The following DNAAF4 variants were observed in gnomAD, a reference collection of about 807,000 sequenced individuals.
The protein encoded by DNAAF4 is dynein assembly factor 4, axonemal.
Under a neutral mutation model 51.8 loss-of-function variants are expected in DNAAF4, and 43 were observed. The observed-to-expected ratio is 0.83, with a 90% CI of 0.65 to 1.07. The LOEUF (loss-of-function observed/expected upper bound fraction) is 1.07, where lower values mean the gene tolerates loss of function less well. Among genes scored for constraint, DNAAF4 ranks in the 50% least tolerant of loss-of-function variants. DNAAF4 has a pLI of 0.00. For synonymous variants in DNAAF4, 194 were observed against 165.6 expected, an observed-to-expected ratio of 1.17 and a Z score of -1.32; for missense variants, 581 against 493.0, an observed-to-expected ratio of 1.18 and a Z score of -1.69.
intron 4 of DNAAF4, among the ~76,000 whole-genome samples, chr15:55,468,418 C>T (rs2058200823): frequency 1.3e-5 from 2 of 152,144 alleles, no homozygotes; most frequent in South Asian, 2.1e-4. Context: ...AAATTAAGCA[C>T]AAAATATGCT....
At chr15:55,484,089 C>A (rs1015728529) in intron 4 of DNAAF4, among the ~76,000 whole-genome samples, 1 of 151,858 alleles carries the variant, frequency 6.6e-6, no homozygotes, top group Non-Finnish European at 1.5e-5. Context: ...ACCAAAATAA[C>A]AAGTGTTAGT....
At chr15:55,437,118 T>C (rs1031656995) in intron 7 of DNAAF4, among the ~76,000 whole-genome samples, 2 of 152,156 alleles carry the variant, frequency 1.3e-5, no homozygotes, top group African/African-American at 2.4e-5. Flanking sequence ...CACCTGGCTC[T>C]ATTACCTTGT....
chr15:55,433,991 A>ATTT (rs2057563296), intron 8 of DNAAF4, among the ~76,000 whole-genome samples: 1 of 21,716 alleles, frequency 4.6e-5, no homozygotes, highest in South Asian at 1.4e-3. Flanking sequence ...TATATAATAT[A>ATTT]TATAATATTA....
chr15:55,448,421 G>A (rs1029125176), intron 6 of DNAAF4, among the ~76,000 whole-genome samples: 7 of 142,130 alleles, frequency 4.9e-5, no homozygotes, highest in Admixed American at 7.6e-5. Flanking sequence ...GGTCACTTGA[G>A]CCCAAGAGTT....
chr15:55,427,964 T>G (rs1566996944), downstream of DNAAF4, among the ~76,000 whole-genome samples: 2 of 151,386 alleles, frequency 1.3e-5, no homozygotes, highest in Non-Finnish European at 2.9e-5. Flanking sequence ...AACCGTAATT[T>G]TTTTGGAGAT....
Position 55,443,326 on chromosome 15 carries a change from G to A in DNAAF4, c.784-3745C>T, listed in dbSNP as rs746538001. On this transcript the variant is annotated intron_variant, in intron 6 of 9. Coordinates refer to ENST00000321149, the MANE Select transcript of DNAAF4 (RefSeq NM_130810.4). Reference sequence around the variant, plus strand: ...TGGCGGCTGGCAAAGGGCCCCCAGCGTGCGGAGGCGCCTGGCGCAGCTCCT... The same window carrying A: ...TGGCGGCTGGCAAAGGGCCCCCAGCATGCGGAGGCGCCTGGCGCAGCTCCT... 1.2e-4 allele frequency: 125 copies of A among 1,060,054 alleles called. No homozygotes were observed. The African/African-American group carries it at 1.3e-3, about 11-fold the overall frequency. 65.7% of individuals were successfully genotyped at this position (1,060,054 alleles called of 1,614,324 possible).
chr15:55,447,297 C>A (rs548567882), intron 6 of DNAAF4, among the ~76,000 whole-genome samples: 1 of 150,856 alleles, frequency 6.6e-6, no homozygotes, highest in African/African-American at 2.4e-5. Flanking sequence ...CCAGACTGGG[C>A]GGCTGGGCAG....
intron 4 of DNAAF4, among the ~76,000 whole-genome samples, chr15:55,490,077 T>A (rs1460770240): frequency 6.6e-6 from 1 of 152,116 alleles, no homozygotes; most frequent in African/African-American, 2.4e-5. Context: ...TTTCACTGTG[T>A]TGGCCAGGCT....
intron 1 of DNAAF4, among the ~76,000 whole-genome samples, chr15:55,502,363 T>G (rs1392271926): frequency 6.6e-6 from 1 of 152,144 alleles, no homozygotes; most frequent in African/African-American, 2.4e-5. Flanking sequence ...TATTTAAAAA[T>G]TAATTATTTT....
chr15:55,495,715 G>A (rs1463573248), intron 3 of DNAAF4, among the ~76,000 whole-genome samples: 2 of 152,032 alleles, frequency 1.3e-5, no homozygotes, highest in Non-Finnish European at 2.9e-5. Context: ...CAGCGTTGGT[G>A]ATAGGGTGAG....
At chr15:55,495,110 G>A (rs2058622529) in intron 3 of DNAAF4, 1 of 149,084 alleles carries the variant, frequency 6.7e-6, no homozygotes, top group Middle Eastern at 3.5e-3. Flanking sequence ...ACATCCTCAG[G>A]CCCCAACATA....
intron 5 of DNAAF4, among the ~76,000 whole-genome samples, chr15:55,460,692 G>T (rs2058082723): frequency 7.2e-6 from 1 of 139,542 alleles, no homozygotes; most frequent in Non-Finnish European, 1.5e-5. Flanking sequence ...TGCAGAATAT[G>T]CATTCTTTTC....
At chr15:55,455,852 T>TTA (rs1474808378) in intron 5 of DNAAF4, among the ~76,000 whole-genome samples, 1 of 152,080 alleles carries the variant, frequency 6.6e-6, no homozygotes, top group Non-Finnish European at 1.5e-5. Context: ...ACAAGTTTAC[T>TTA]TATTCATAGT....
chr15:55,434,909 G>C lies in DNAAF4; in HGVS notation c.1043C>G (p.Ser348Cys). 1 of 1,606,766 alleles carries C rather than the reference G, an allele frequency of 6.2e-7. No individual in the cohort carries two copies. The change falls in exon 8 of 10, where the codon TCT becomes TGT. Residue 348 changes from serine (S) to cysteine (C), a missense_variant. Ser to Cys is a moderately radical substitution (Grantham distance 112). Coordinates refer to ENST00000321149, the MANE Select transcript of DNAAF4 (RefSeq NM_130810.4). ...KNLHKAIEDSSKALELLMPPV... is the reference protein window; with the variant it reads ...KNLHKAIEDSCKALELLMPPV... Reference sequence around the variant, plus strand: ...ATCATACATAGATATCCATACCTTAGAAGAATCTTCAATAGCCTTGTGTAA... The same window carrying C: ...ATCATACATAGATATCCATACCTTACAAGAATCTTCAATAGCCTTGTGTAA...
At chr15:55,507,520 G>A (rs1057425525) in intron 1 of DNAAF4, among the ~76,000 whole-genome samples, 1 of 152,158 alleles carries the variant, frequency 6.6e-6, no homozygotes, top group South Asian at 2.1e-4. Flanking sequence ...AATGCATATA[G>A]CTTTTGCATC....
At chr15:55,470,487 T>C (rs2141519448) in intron 4 of DNAAF4, among the ~76,000 whole-genome samples, 1 of 151,648 alleles carries the variant, frequency 6.6e-6, no homozygotes, top group African/African-American at 2.4e-5. Flanking sequence ...CCAGAAGTTC[T>C]CCAAACCTCA....
chr15:55,455,387 AATATATATAT>A (rs10688653), intron 5 of DNAAF4, among the ~76,000 whole-genome samples: 7,361 of 127,372 alleles, frequency 0.058, 741 homozygotes, highest in African/African-American at 0.22. Context: ...TAGCAAATTG[AATATATATAT>A]ATATATATAT....
chr15:55,502,234 A>G (rs1028379498), intron 1 of DNAAF4, among the ~76,000 whole-genome samples: 8 of 152,178 alleles, frequency 5.3e-5, no homozygotes, highest in Admixed American at 2.0e-4. Flanking sequence ...ATTTAGGAGA[A>G]GGAGGTTTGG....
intron 4 of DNAAF4, among the ~76,000 whole-genome samples, chr15:55,475,062 C>A (rs941695548): frequency 2.6e-5 from 4 of 152,074 alleles, no homozygotes; most frequent in Admixed American, 6.6e-5. Context: ...TAAAGTATAT[C>A]CAAATAAATG....
Sources: gnomAD v4.1 joint callset for allele counts (sites outside exome capture counted in the v4.1 genomes callset) on GRCh38, gnomAD v4.1.1 for gene constraint, MANE v1.5 for transcripts, NCBI Gene and HGNC (gene_info 2026-07-23, HGNC 2026-07-21) for gene names.